IRAK1BP1: variants seen among roughly 807,000 people sequenced by gnomAD.
IRAK1BP1 encodes interleukin-1 receptor-associated kinase 1-binding protein 1.
A neutral mutation model predicts 28.0 loss-of-function variants in IRAK1BP1; 24 were observed. The observed-to-expected ratio is 0.86, with a 90% CI of 0.62 to 1.20. The LOEUF (loss-of-function observed/expected upper bound fraction) is 1.20, where lower values mean the gene tolerates loss of function less well. Among genes scored for constraint, IRAK1BP1 ranks in the 50% most tolerant of loss-of-function variants. The pLI is 0.00. For synonymous variants in IRAK1BP1, 131 were observed against 116.3 expected, an observed-to-expected ratio of 1.13 and a Z score of -0.81; for missense variants, 336 against 316.7, an observed-to-expected ratio of 1.06 and a Z score of -0.46.
At chr6:78,923,564 A>G (rs1003112844) in intron 4 of IRAK1BP1, among the ~76,000 whole-genome samples, 1 of 152,182 alleles carries the variant, frequency 6.6e-6, no homozygotes, top group Non-Finnish European at 1.5e-5. Flanking sequence ...TGCACCAAGC[A>G]GACCTAATAG....
intron 4 of IRAK1BP1, among the ~76,000 whole-genome samples, chr6:78,919,159 A>G (rs555930307): frequency 1.3e-5 from 2 of 152,344 alleles, no homozygotes; most frequent in East Asian, 3.9e-4. Flanking sequence ...AAAGGAAAAC[A>G]GAAATACAAC....
chr6:78,911,890 A>G (rs1048757523), intron 4 of IRAK1BP1, among the ~76,000 whole-genome samples: 5 of 152,056 alleles, frequency 3.3e-5, no homozygotes, highest in African/African-American at 1.2e-4. Context: ...AGGCACCCTT[A>G]TTGTTGTTGT....
chr6:78,923,831 C>T (rs1050291710), intron 4 of IRAK1BP1, among the ~76,000 whole-genome samples: 3 of 152,044 alleles, frequency 2.0e-5, no homozygotes, highest in African/African-American at 4.8e-5. Flanking sequence ...GGGTACATAA[C>T]GAAATGAAGG....
chr6:78,893,199 A>G (rs2127651440), intron 2 of IRAK1BP1, among the ~76,000 whole-genome samples: 1 of 151,570 alleles, frequency 6.6e-6, no homozygotes, highest in Admixed American at 6.6e-5. Flanking sequence ...GAACAAAGGT[A>G]AGACAACAGA....
At chr6:78,879,487 A>G (rs1771142758) in intron 1 of IRAK1BP1, among the ~76,000 whole-genome samples, 1 of 152,208 alleles carries the variant, frequency 6.6e-6, no homozygotes, top group African/African-American at 2.4e-5. Context: ...TTTTCAACAA[A>G]TGTTGCTGCA....
chr6:78,891,798 T>C (rs1187326946), intron 2 of IRAK1BP1, among the ~76,000 whole-genome samples: 1 of 152,154 alleles, frequency 6.6e-6, no homozygotes, highest in South Asian at 2.1e-4. Context: ...TAATAGGTAT[T>C]CAATACTGTG....
At chr6:78,954,739 C>G in the IRAK1BP1 span, 1 of 881,650 alleles carries the variant, frequency 1.1e-6, no homozygotes, top group Non-Finnish European at 1.7e-6. Context: ...TAAAAAGTAA[C>G]TAAAATAGCC....
At chr6:78,872,665 G>A (rs1289961670) in intron 1 of IRAK1BP1, among the ~76,000 whole-genome samples, 2 of 152,094 alleles carry the variant, frequency 1.3e-5, no homozygotes, top group South Asian at 2.1e-4. Context: ...TTGGATTTTC[G>A]GATTAGGGAT....
chr6:78,908,950 C>G (rs1772335036), intron 4 of IRAK1BP1, among the ~76,000 whole-genome samples: 1 of 152,122 alleles, frequency 6.6e-6, no homozygotes. Flanking sequence ...CAAACCTCTT[C>G]TACAGCATCC....
intron 1 of IRAK1BP1, 30 bp downstream of exon 1, chr6:78,867,921 G>C (rs764859611): frequency 6.6e-7 from 1 of 1,521,602 alleles, no homozygotes; most frequent in Non-Finnish European, 8.8e-7. Context: ...GGAAATAAGA[G>C]CCGGAAGACA....
intron 4 of IRAK1BP1, chr6:78,939,248 A>G (rs1279364613): frequency 3.3e-5 from 5 of 151,814 alleles, no homozygotes; most frequent in Non-Finnish European, 7.4e-5. Context: ...ATCATTTACA[A>G]TAGACAACTT....
chr6:78,959,229 A>C, the IRAK1BP1 span, among the ~76,000 whole-genome samples: 3 of 152,176 alleles, frequency 2.0e-5, no homozygotes, highest in Admixed American at 6.6e-5. Context: ...ACTTTTGAGA[A>C]TATTATCTAA....
At chr6:78,869,466 G>A (rs1218193265) in intron 1 of IRAK1BP1, among the ~76,000 whole-genome samples, 1 of 152,206 alleles carries the variant, frequency 6.6e-6, no homozygotes, top group Admixed American at 6.5e-5. Context: ...GTTTCAGTGA[G>A]CCGAGATGGT....
chr6:78,947,928 A>T (rs1366752449), downstream of IRAK1BP1, among the ~76,000 whole-genome samples: 1 of 149,148 alleles, frequency 6.7e-6, no homozygotes, highest in East Asian at 2.1e-4. Flanking sequence ...CCTTTTTTCT[A>T]ATAATTCTTA....
chr6:78,948,596 G>T (rs1403997723), downstream of IRAK1BP1, among the ~76,000 whole-genome samples: 2 of 152,090 alleles, frequency 1.3e-5, no homozygotes, highest in Non-Finnish European at 2.9e-5. Context: ...CCAGACTCAA[G>T]CAACCTTCCC....
At chr6:78,966,996 A>G in the IRAK1BP1 span, among the ~76,000 whole-genome samples, 6 of 152,368 alleles carry the variant, frequency 3.9e-5, no homozygotes, top group African/African-American at 1.4e-4. Flanking sequence ...AATGAGTTCT[A>G]TTAAAGCACT....
chr6:78,923,744 A>G (rs1772808421), intron 4 of IRAK1BP1, among the ~76,000 whole-genome samples: 1 of 152,224 alleles, frequency 6.6e-6, no homozygotes, highest in Non-Finnish European at 1.5e-5. Context: ...CAATCAAACT[A>G]GAACTCAGGA....
At chr6:78,878,503 A>G (rs1329026829) in intron 1 of IRAK1BP1, among the ~76,000 whole-genome samples, 1 of 152,214 alleles carries the variant, frequency 6.6e-6, no homozygotes, top group Non-Finnish European at 1.5e-5. Flanking sequence ...CGTCACCATC[A>G]TCAAAGACCA....
At chr6:78,955,998 CTT>C in the IRAK1BP1 span, 6 of 179,968 alleles carry the variant, frequency 3.3e-5, no homozygotes, top group South Asian at 2.0e-4. Flanking sequence ...TCTTCCAACT[CTT>C]TCTTTTATTT....
Sources: allele counts gnomAD v4.1 joint callset (sites outside exome capture counted in the v4.1 genomes callset), GRCh38; gene constraint gnomAD v4.1.1; transcripts MANE v1.5; gene names NCBI Gene and HGNC (gene_info 2026-07-23, HGNC 2026-07-21).